Variants in TMED8 observed in about 807,000 individuals in gnomAD.
TMED8 encodes the protein protein TMED8.
TMED8 carries 15 observed loss-of-function variants against 32.7 expected under a neutral mutation model. The ratio of observed to expected loss-of-function variants is 0.46; its 90% CI spans 0.31 to 0.71. The LOEUF (loss-of-function observed/expected upper bound fraction) is 0.71. Ranked by LOEUF, TMED8 falls within the 30% of genes least tolerant of loss-of-function variation. The pLI is 0.06. For synonymous variants in TMED8, 147 were observed against 161.4 expected, an observed-to-expected ratio of 0.91 and a Z score of 0.68; for missense variants, 390 against 423.9, an observed-to-expected ratio of 0.92 and a Z score of 0.70.
In TMED8 at chr14:77,351,359, G is replaced by A. The variant is rs1017842806; in HGVS notation, c.197+314C>T. 8.0e-5 allele frequency among the ~76,000 whole-genome samples: 12 copies of A among 149,290 alleles called. No homozygotes were observed. The South Asian group carries it at 1.1e-3, about 13-fold the overall frequency. On this transcript the variant is annotated intron_variant, in intron 2 of 5. Coordinates refer to ENST00000216468, the MANE Select transcript of TMED8 (RefSeq NM_213601.3). ...AAATTAGCCAGGCGTGGTGGTGCGC[G>A]CCTGTAGTCCCAGCTACTACAGGCG...
rs149493431 is a variant in TMED8, at chr14:77,375,802, T to C, written c.118+1134A>G. On this transcript the variant is annotated intron_variant, in intron 1 of 5. Coordinates refer to ENST00000216468, the MANE Select transcript of TMED8 (RefSeq NM_213601.3). Reference sequence around the variant, plus strand: ...TCAACTGAACAAAAAGAGACCTTACTGTCACAATGGTTGAGACGAGTATAG... The same window carrying C: ...TCAACTGAACAAAAAGAGACCTTACCGTCACAATGGTTGAGACGAGTATAG... Among the ~76,000 whole-genome samples, 261 of 152,364 alleles carry C rather than the reference T, an allele frequency of 1.7e-3. 9 individuals are homozygous for C. In the East Asian group the frequency reaches 0.042, roughly 25 times the overall value.
At position 77,346,492 on chromosome 14, in the gene TMED8, A is replaced by G. The variant is rs376151293; in HGVS notation, c.198-14T>C. On this transcript the variant is annotated splice_polypyrimidine_tract_variant and intron_variant, in intron 2 of 5. Transcript: ENST00000216468. ...ACCATCTGTGGCCTCTCAGAGGAAG[A>G]GAGCATGTTAATTCAAGGACTCTTT... is the stretch of plus-strand genomic sequence containing the variant. 5.0e-6 allele frequency: 8 copies of G among 1,613,900 alleles called. No homozygotes were observed. In the African/African-American group the frequency reaches 9.3e-5, roughly 19 times the overall value.
intron 1 of TMED8, among the ~76,000 whole-genome samples, chr14:77,357,821 T>C (rs1294268231): frequency 6.6e-6 from 1 of 152,102 alleles, no homozygotes. Flanking sequence ...TGGTTCTTTT[T>C]CATTAGAAAT....
chr14:77,349,106 CTTTTT>C (rs33964835), intron 2 of TMED8, among the ~76,000 whole-genome samples: 11 of 91,966 alleles, frequency 1.2e-4, no homozygotes, highest in Admixed American at 1.4e-4. Context: ...CTCTAAGGCC[CTTTTT>C]TTTTTTTTTT....
rs1566683001 is a variant in TMED8, at chr14:77,341,912, C to T, written c.837G>A (p.Val279=). The T allele has an allele frequency of 1.9e-6, 3 of 1,612,146 alleles. No individual in the cohort carries two copies. Among genetic ancestry groups the T allele is most frequent in the Admixed American group, 1.7e-5 (1 of 59,882 alleles). ...CGTCTCGGTGGCTGTCCCGCCGGTA[C>T]ACAGGCATGACCTCCCCATAGCGAC... The part of the protein sequence containing the change: ...LRGRYGEVMP[V]YRRDSHRDVQ... Residue 279 remains valine, a synonymous_variant, in exon 6 of 6, where the codon GTG becomes GTA. Transcript: ENST00000216468.
rs937754807 is a variant in TMED8, at chr14:77,337,399, T to C, written c.*4372A>G. The C allele has an allele frequency of 2.0e-5, 3 of 152,214 alleles. No individual in the cohort carries two copies. The highest frequency in any genetic ancestry group is 2.0e-4 in the Admixed American group (3 of 15,276). 9.4% of individuals were successfully genotyped at this position (152,214 alleles called of 1,614,324 possible). On this transcript the variant is annotated 3_prime_UTR_variant, in exon 6 of 6. Coordinates refer to ENST00000216468, the MANE Select transcript of TMED8 (RefSeq NM_213601.3). ...AGATGGAGACCAAGAAACAATTTTTTTTTTTTTGAGACGGAATCTTGCTCT... is the reference window on the plus strand; with the variant it reads ...AGATGGAGACCAAGAAACAATTTTTCTTTTTTTGAGACGGAATCTTGCTCT...
At chr14:77,347,300 G>A (rs1012961709) in intron 2 of TMED8, among the ~76,000 whole-genome samples, 1 of 152,204 alleles carries the variant, frequency 6.6e-6, no homozygotes, top group African/African-American at 2.4e-5. Context: ...GATGATCAAG[G>A]CAACCCTCTC....
intron 1 of TMED8, among the ~76,000 whole-genome samples, chr14:77,358,124 CAAAAAAAAAA>C (rs35361617): frequency 1.3e-5 from 1 of 76,232 alleles, no homozygotes; most frequent in African/African-American, 5.5e-5. Context: ...GCTCTGTCTC[CAAAAAAAAAA>C]AAAAAAAAAA....
intron 2 of TMED8, among the ~76,000 whole-genome samples, chr14:77,351,210 G>A (rs966461125): frequency 2.0e-5 from 3 of 151,764 alleles, no homozygotes; most frequent in Admixed American, 6.6e-5. Context: ...TCCCTGGCCC[G>A]GCGCGGTGGC....
At chr14:77,358,193 A>T (rs1377980694) in intron 1 of TMED8, among the ~76,000 whole-genome samples, 1 of 151,358 alleles carries the variant, frequency 6.6e-6, no homozygotes, top group Non-Finnish European at 1.5e-5. Flanking sequence ...ACACACACAC[A>T]CACACACACA....
At chr14:77,353,439 GTT>G (rs71303874) in intron 1 of TMED8, among the ~76,000 whole-genome samples, 11 of 127,446 alleles carry the variant, frequency 8.6e-5, no homozygotes, top group Admixed American at 3.3e-4. Context: ...TCTTTTCTTT[GTT>G]TTTTTTTTTT....
intron 1 of TMED8, among the ~76,000 whole-genome samples, chr14:77,354,846 T>TGCAA (rs1893256018): frequency 6.6e-6 from 1 of 151,752 alleles, no homozygotes; most frequent in South Asian, 2.1e-4. Context: ...CCCAGCTACT[T>TGCAA]GGGAGGCTGA....
chr14:77,336,877 G>T lies in TMED8; in HGVS notation c.*4894C>A, dbSNP rs146557942. 167 of 152,290 alleles carry T rather than the reference G, an allele frequency of 1.1e-3. No homozygotes were observed. The highest frequency in any genetic ancestry group is 3.8e-3 in the African/African-American group (158 of 41,568). The allele number at this position is 152,290 out of a possible 1,614,324, so 9.4% of individuals were successfully genotyped here. On this transcript the variant is annotated 3_prime_UTR_variant, in exon 6 of 6. Coordinates refer to ENST00000216468, the MANE Select transcript of TMED8 (RefSeq NM_213601.3). ...AACAAATATAAAAGCAGACTTTAGA[G>T]TCTGGGTTTCAACTAATTCTCTCAA...
At chr14:77,357,886 G>C (rs1204541180) in intron 1 of TMED8, among the ~76,000 whole-genome samples, 1 of 152,096 alleles carries the variant, frequency 6.6e-6, no homozygotes, top group African/African-American at 2.4e-5. Context: ...CACTTTGGGA[G>C]GCTGAGGCAG....
intron 5 of TMED8, among the ~76,000 whole-genome samples, chr14:77,342,509 C>T (rs1236789505): frequency 6.6e-6 from 1 of 152,146 alleles, no homozygotes; most frequent in Non-Finnish European, 1.5e-5. Context: ...TGCCCGCTTG[C>T]TGTTCTATGA....
chr14:77,346,294 G>C (rs768449750), intron 3 of TMED8, 55 bp downstream of exon 3: 65 of 1,590,742 alleles, frequency 4.1e-5, no homozygotes, highest in Non-Finnish European at 5.2e-5. Flanking sequence ...CAACCACTAT[G>C]TGTCCACATT....
chr14:77,372,907 TATATATATATATATA>T (rs1331105927), intron 1 of TMED8, among the ~76,000 whole-genome samples: 651 of 41,832 alleles, frequency 0.016, 27 homozygotes, highest in Middle Eastern at 0.023. Context: ...CCACAGATAT[TATATATATATATATA>T]TATATATATA....
At chr14:77,362,223 C>A (rs1022549709) in intron 1 of TMED8, among the ~76,000 whole-genome samples, 3 of 151,690 alleles carry the variant, frequency 2.0e-5, no homozygotes, top group Non-Finnish European at 2.9e-5. Context: ...CTTGCTCTTG[C>A]TAGCACTTCC....
intron 2 of TMED8, among the ~76,000 whole-genome samples, chr14:77,347,850 T>C (rs1164320236): frequency 1.3e-5 from 2 of 152,248 alleles, no homozygotes; most frequent in Non-Finnish European, 2.9e-5. Flanking sequence ...AAAGGTGACA[T>C]GGATTTTTTT....
Sources: gnomAD v4.1 joint callset for allele counts (sites outside exome capture counted in the v4.1 genomes callset) on GRCh38, gnomAD v4.1.1 for gene constraint, MANE v1.5 for transcripts, NCBI Gene and HGNC (gene_info 2026-07-23, HGNC 2026-07-21) for gene names.